Variants in CAMK1D observed in about 807,000 individuals in gnomAD.
CAMK1D encodes the protein calcium/calmodulin dependent protein kinase ID.
CAMK1D carries 9 observed loss-of-function variants against 47.7 expected under a neutral mutation model. The observed-to-expected ratio is 0.19, with a 90% CI of 0.11 to 0.33. The LOEUF is 0.33. Among genes scored for constraint, CAMK1D ranks in the 10% least tolerant of loss-of-function variants. CAMK1D has a pLI of 1.00. For missense variants in CAMK1D, 291 were observed against 488.7 expected (o/e 0.60, Z 3.81); for synonymous variants, 184 against 184.9 (o/e 0.99, Z 0.04).
intron 1 of CAMK1D, among the ~76,000 whole-genome samples, chr10:12,443,771 A>C (rs1832853183): frequency 6.6e-6 from 1 of 152,126 alleles, no homozygotes; most frequent in Non-Finnish European, 1.5e-5. Flanking sequence ...CTGGGATTAT[A>C]GGCACCTACC....
chr10:12,355,820 C>G (rs899885061), intron 1 of CAMK1D, among the ~76,000 whole-genome samples: 2 of 152,044 alleles, frequency 1.3e-5, no homozygotes, highest in Admixed American at 6.6e-5. Context: ...AGTGAGCAGA[C>G]GAGAATGCCT....
intron 1 of CAMK1D, among the ~76,000 whole-genome samples, chr10:12,379,246 C>T (rs760164739): frequency 7.2e-5 from 11 of 152,262 alleles, no homozygotes; most frequent in East Asian, 3.9e-4. Flanking sequence ...GGTCTCTGGA[C>T]GAATATAACG....
At chr10:12,566,030 T>A (rs957056136) in intron 2 of CAMK1D, among the ~76,000 whole-genome samples, 8 of 152,196 alleles carry the variant, frequency 5.3e-5, no homozygotes, top group African/African-American at 1.9e-4. Context: ...ATCAGACTCC[T>A]GCTTTAGAAG....
At chr10:12,745,915 A>T (rs1343294099) in intron 3 of CAMK1D, among the ~76,000 whole-genome samples, 2 of 152,138 alleles carry the variant, frequency 1.3e-5, no homozygotes, top group Non-Finnish European at 2.9e-5. Context: ...ACGAAATCTG[A>T]CAACTTTCTT....
At chr10:12,481,075 A>G (rs759210764) in intron 1 of CAMK1D, among the ~76,000 whole-genome samples, 7 of 152,194 alleles carry the variant, frequency 4.6e-5, no homozygotes, top group Non-Finnish European at 8.8e-5. Flanking sequence ...AAAGGCCACC[A>G]GGTTAGGAGG....
chr10:12,776,448 C>T (rs890312086), intron 5 of CAMK1D, among the ~76,000 whole-genome samples: 1 of 152,126 alleles, frequency 6.6e-6, no homozygotes, highest in African/African-American at 2.4e-5. Context: ...TCTCGCTGTT[C>T]GTAGTCATCA....
chr10:12,490,049 G>C (rs928005130), intron 1 of CAMK1D, among the ~76,000 whole-genome samples: 8 of 152,192 alleles, frequency 5.3e-5, no homozygotes, highest in African/African-American at 1.4e-4. Flanking sequence ...TCCTTGGCTG[G>C]AGCAGGGGAG....
At chr10:12,780,600 TC>T (rs1837451365) in intron 5 of CAMK1D, among the ~76,000 whole-genome samples, 1 of 152,164 alleles carries the variant, frequency 6.6e-6, no homozygotes, top group Non-Finnish European at 1.5e-5. Context: ...TTTTCATCTT[TC>T]CCCATAGCGC....
At chr10:12,769,893 A>G in intron 5 of CAMK1D, 94 bp downstream of exon 5, 13 of 1,422,668 alleles carry the variant, frequency 9.1e-6, no homozygotes. Context: ...TGTGTGAAAC[A>G]TATGAGCTTG....
At chr10:12,770,506 T>C (rs1350873476) in intron 5 of CAMK1D, among the ~76,000 whole-genome samples, 1 of 152,254 alleles carries the variant, frequency 6.6e-6, no homozygotes. Flanking sequence ...AGCAAATGTA[T>C]GTAAAGTTGC....
chr10:12,697,169 A>G (rs1446969936), intron 3 of CAMK1D, among the ~76,000 whole-genome samples: 1 of 152,214 alleles, frequency 6.6e-6, no homozygotes, highest in Non-Finnish European at 1.5e-5. Flanking sequence ...GGCAAATTTG[A>G]GTTAAATAGT....
chr10:12,453,389 T>C (rs1018285441), intron 1 of CAMK1D, among the ~76,000 whole-genome samples: 3 of 151,918 alleles, frequency 2.0e-5, no homozygotes, highest in African/African-American at 7.3e-5. Flanking sequence ...GGGGTTTCAC[T>C]GTGTTGGCCA....
chr10:12,784,198 A>ATT (rs71386119), intron 5 of CAMK1D, among the ~76,000 whole-genome samples: 12,953 of 135,888 alleles, frequency 0.095, 743 homozygotes, highest in Middle Eastern at 0.18. Context: ...GAGAAAAGGT[A>ATT]TTTTTTTTTT....
At chr10:12,584,757 C>T (rs1381155565) in intron 2 of CAMK1D, among the ~76,000 whole-genome samples, 1 of 152,006 alleles carries the variant, frequency 6.6e-6, no homozygotes, top group East Asian at 1.9e-4. Flanking sequence ...GAGGTCAAAG[C>T]TGCAGTGAGC....
At chr10:12,562,333 G>A (rs1381041096) in intron 2 of CAMK1D, among the ~76,000 whole-genome samples, 1 of 152,178 alleles carries the variant, frequency 6.6e-6, no homozygotes, top group African/African-American at 2.4e-5. Context: ...CCTCATGACT[G>A]AAACAATTCC....
chr10:12,788,252 G>A (rs928457666), intron 5 of CAMK1D, among the ~76,000 whole-genome samples: 2 of 152,100 alleles, frequency 1.3e-5, no homozygotes, highest in African/African-American at 4.8e-5. Flanking sequence ...GTGCAATGGC[G>A]TGATCATAGC....
intron 2 of CAMK1D, among the ~76,000 whole-genome samples, chr10:12,608,223 A>G (rs2132405468): frequency 6.6e-6 from 1 of 152,320 alleles, no homozygotes; most frequent in Middle Eastern, 3.4e-3. Flanking sequence ...GTTTGAGACC[A>G]GCCTGGCCAA....
chr10:12,351,383 C>T (rs1837351206), intron 1 of CAMK1D, among the ~76,000 whole-genome samples: 1 of 152,168 alleles, frequency 6.6e-6, no homozygotes, highest in Non-Finnish European at 1.5e-5. Flanking sequence ...AAAATTGCCA[C>T]TGAGGTTTAT....
intron 3 of CAMK1D, among the ~76,000 whole-genome samples, chr10:12,741,614 T>C (rs1347753006): frequency 1.5e-5 from 2 of 130,846 alleles, no homozygotes; most frequent in Admixed American, 8.3e-5. Flanking sequence ...TTTACAAATG[T>C]AGAGAGAATA....
Sources: allele counts gnomAD v4.1 joint callset (sites outside exome capture counted in the v4.1 genomes callset), GRCh38; gene constraint gnomAD v4.1.1; transcripts MANE v1.5; gene names NCBI Gene and HGNC (gene_info 2026-07-23, HGNC 2026-07-21).